WRN: variants seen among roughly 807,000 people sequenced by gnomAD.
The protein encoded by WRN is WRN RecQ like helicase.
A neutral mutation model predicts 180.7 loss-of-function variants in WRN; 149 were observed. That is an observed-to-expected ratio of 0.82 (90% CI 0.72 to 0.94). The LOEUF (loss-of-function observed/expected upper bound fraction) is 0.94. WRN is among the 40% of genes least tolerant of loss of function. The pLI, the probability that WRN is intolerant of heterozygous loss-of-function variation, is 0.00. For missense variants in WRN, 1,661 were observed against 1,700.1 expected, an observed-to-expected ratio of 0.98 and a Z score of 0.40; for synonymous variants, 548 against 568.9, an observed-to-expected ratio of 0.96 and a Z score of 0.52.
intron 12 of WRN, 52 bp downstream of exon 12, chr8:31,087,972 C>T: frequency 6.3e-7 from 1 of 1,589,354 alleles, no homozygotes. Flanking sequence ...CTACCACTGA[C>T]TTTAACTTAG....
chr8:31,045,675 T>A (rs1554516442), intron 1 of WRN, among the ~76,000 whole-genome samples: 1 of 152,160 alleles, frequency 6.6e-6, no homozygotes, highest in Non-Finnish European at 1.5e-5. Flanking sequence ...GTGCTGGGAT[T>A]ACAGGTGTGA....
At chr8:31,057,352 C>T (rs372044067) in intron 1 of WRN, among the ~76,000 whole-genome samples, 5 of 151,940 alleles carry the variant, frequency 3.3e-5, no homozygotes, top group Middle Eastern at 3.4e-3. Context: ...GATCGGATCA[C>T]GAGGTCAGGA....
At position 31,147,289 on chromosome 8, in the gene WRN, C is replaced by G; in HGVS notation, c.3460-75C>G. The G allele has an allele frequency of 2.0e-6, 3 of 1,499,546 alleles. No individual in the cohort carries two copies. In the Middle Eastern group the frequency reaches 5.2e-4, roughly 259 times the overall value. 92.9% of individuals were successfully genotyped at this position (1,499,546 alleles called of 1,614,324 possible). A position where few individuals can be genotyped will look rare whatever the true frequency, so the allele number is the denominator to read the frequency against. ...TTCATTCTAAGGAAAAATGTGGTAT[C>G]TGAAGCTCTAAAAATAAAGGACTAG... is the stretch of plus-strand genomic sequence containing the variant. On this transcript the variant is annotated intron_variant, in intron 29 of 34. Transcript: ENST00000298139.
At chr8:31,122,340 T>A (rs1801755239) in intron 21 of WRN, among the ~76,000 whole-genome samples, 1 of 152,040 alleles carries the variant, frequency 6.6e-6, no homozygotes, top group African/African-American at 2.4e-5. Flanking sequence ...TAAATGAAGT[T>A]GCTGGTTCTC....
Position 31,096,634 on chromosome 8 carries a change from A to G in WRN, c.1899-134A>G, listed in dbSNP as rs527507458. On this transcript the variant is annotated intron_variant, in intron 16 of 34. Coordinates refer to ENST00000298139, the MANE Select transcript of WRN (RefSeq NM_000553.6). Reference sequence around the variant, plus strand: ...GCATTCTTTTAGATTTTCGTGACATAAAGTATTATTTAAACTTTCATAAGG... The same window carrying G: ...GCATTCTTTTAGATTTTCGTGACATGAAGTATTATTTAAACTTTCATAAGG... 2.9e-5 allele frequency: 21 copies of G among 724,592 alleles called. No homozygotes were observed. The African/African-American group carries it at 3.0e-4, about 11-fold the overall frequency. The allele number at this position is 724,592 out of a possible 1,614,324, so 44.9% of individuals were successfully genotyped here. A position where few individuals can be genotyped will look rare whatever the true frequency, so the allele number is the denominator to read the frequency against.
chr8:31,155,622 C>CAAA (rs748568497), intron 32 of WRN, among the ~76,000 whole-genome samples: 5,254 of 98,180 alleles, frequency 0.054, 156 homozygotes, highest in Non-Finnish European at 0.061. Context: ...ACTCGGTCTC[C>CAAA]AAAAAAAAAA....
intron 6 of WRN, 146 bp downstream of exon 6, chr8:31,067,328 AT>A: frequency 2.2e-6 from 2 of 927,444 alleles, no homozygotes; most frequent in Non-Finnish European, 3.2e-6. Flanking sequence ...TTAGGAAGAC[AT>A]TTAGTGAAAC....
At chr8:31,105,752 G>A (rs749469401) in intron 18 of WRN, among the ~76,000 whole-genome samples, 12 of 152,120 alleles carry the variant, frequency 7.9e-5, no homozygotes, top group Non-Finnish European at 1.2e-4. Flanking sequence ...GAGCCACCAC[G>A]TCCAGCCTAC....
At position 31,096,822 on chromosome 8, in the gene WRN, C is replaced by T. The variant is rs11574263; in HGVS notation, c.1953C>T (p.Gly651=). 1.1e-3 allele frequency: 1,784 copies of T among 1,612,936 alleles called. 18 individuals are homozygous for T. The African/African-American group carries it at 0.021, about 19-fold the overall frequency. Residue 651 remains glycine, a synonymous_variant, in exon 17 of 35, where the codon GGC becomes GGT. Transcript: ENST00000298139. ...CAGAATACTGTTCAGGTAACATGGG[C>T]CTGCTCCAGCAACTTGAGGCTGATA... ...VTPEYCSGNM[G]LLQQLEADIG... is the part of the protein sequence containing the mutation.
rs1248278851 is a variant in WRN, at chr8:31,154,697, C to T, written c.3761C>T (p.Thr1254Ile). The change falls in exon 32 of 35, where the codon ACA becomes ATA. Residue 1254 changes from threonine to isoleucine, a missense_variant. This residue lies in a region of WRN where 1,141 missense variants were observed against 1,149.4 expected (regional missense o/e 0.99). Transcript: ENST00000298139. ...TSLVAKNKIC[T>I]LSQSMAITYS... ...CTGGTAGCAAAAAATAAAATATGCA[C>T]ACTTTCACAGTCTATGGCCATCACA... 2 of 1,613,570 alleles carry T rather than the reference C, an allele frequency of 1.2e-6. No individual in the cohort carries two copies. The highest frequency in any genetic ancestry group is 1.7e-5 in the Admixed American group (1 of 60,004).
intron 18 of WRN, among the ~76,000 whole-genome samples, chr8:31,107,964 A>G (rs1344644727): frequency 6.6e-6 from 1 of 152,260 alleles, no homozygotes; most frequent in Admixed American, 6.5e-5. Flanking sequence ...GAATGAGTGC[A>G]TGAATGAATG....
At chr8:31,123,491 A>G (rs1801804365) in intron 21 of WRN, among the ~76,000 whole-genome samples, 1 of 152,068 alleles carries the variant, frequency 6.6e-6, no homozygotes, top group Non-Finnish European at 1.5e-5. Flanking sequence ...GGATAATTAC[A>G]TGGAAGGGCA....
intron 33 of WRN, among the ~76,000 whole-genome samples, chr8:31,158,440 TAG>T (rs1455863489): frequency 2.6e-5 from 4 of 152,056 alleles, no homozygotes; most frequent in Non-Finnish European, 4.4e-5. Flanking sequence ...GGAGATACGT[TAG>T]AGGATTTTCT....
In WRN at chr8:31,150,453, C is replaced by G; in HGVS notation, c.3685C>G (p.Gln1229Glu). The G allele has an allele frequency of 6.2e-7, 1 of 1,613,904 alleles. No individual in the cohort carries two copies. Among genetic ancestry groups the G allele is most frequent in the Non-Finnish European group, 8.5e-7 (1 of 1,179,806 alleles). The change falls in exon 31 of 35, where the codon CAG becomes GAG. Residue 1229 changes from glutamine (Q) to glutamate (E), a missense_variant and splice_region_variant. This residue lies in a region of WRN where 1,141 missense variants were observed against 1,149.4 expected (regional missense o/e 0.99). Coordinates refer to ENST00000298139, the MANE Select transcript of WRN (RefSeq NM_000553.6). ...IKHFCQTNSV[Q>E]TDLFSSTKPQ... ...ACATTTCTGCCAAACAAATAGTGTT[C>G]AGGTAAAATACTGTGGTTTGCAGGA...
rs553082136 is a variant in WRN at position 31,164,976 on chromosome 8, A to G, written c.3983-2046A>G. On this transcript the variant is annotated intron_variant, in intron 33 of 34. Coordinates refer to ENST00000298139, the MANE Select transcript of WRN (RefSeq NM_000553.6). Reference sequence around the variant, plus strand: ...AGAAATATAAAGGGTACTTATAGAAATGTATTAGAAAAATATATGAATTTT... The same window carrying G: ...AGAAATATAAAGGGTACTTATAGAAGTGTATTAGAAAAATATATGAATTTT... Among the ~76,000 whole-genome samples, 232 of 152,240 alleles carry G rather than the reference A, an allele frequency of 1.5e-3. 1 individual carries two copies. Among genetic ancestry groups the G allele is most frequent in the African/African-American group, 5.3e-3 (220 of 41,570 alleles).
intron 18 of WRN, among the ~76,000 whole-genome samples, chr8:31,107,511 C>T (rs73583711): frequency 0.023 from 3,461 of 152,130 alleles, 120 homozygotes; most frequent in African/African-American, 0.077. Flanking sequence ...GGGTGTTGGC[C>T]GAGCAGTGGC....
intron 20 of WRN, among the ~76,000 whole-genome samples, chr8:31,118,495 G>A (rs1801603304): frequency 1.3e-5 from 2 of 151,880 alleles, no homozygotes; most frequent in Admixed American, 1.3e-4. Context: ...ATGTAGAATA[G>A]TCAGGTGTTC....
chr8:31,081,047 T>G lies in WRN; in HGVS notation c.1020T>G (p.Ile340Met), dbSNP rs775231592. 4.3e-6 allele frequency: 7 copies of G among 1,614,022 alleles called. No homozygotes were observed. Among genetic ancestry groups the G allele is most frequent in the Non-Finnish European group, 5.9e-6 (7 of 1,179,968 alleles). The part of the protein sequence containing the change: ...QKQIREHEVL[I>M]HVEDETWDPT... ...AAATTAGAGAACATGAAGTTTTAAT[T>G]CACGTTGAAGATGAAACATGGGACC... Residue 340 changes from isoleucine to methionine, a missense_variant, in exon 9 of 35, where the codon ATT becomes ATG. By Grantham distance (10) the Ile-to-Met change is conservative. Transcript: ENST00000298139.
intron 33 of WRN, among the ~76,000 whole-genome samples, chr8:31,157,953 C>G (rs1803455550): frequency 6.6e-6 from 1 of 152,112 alleles, no homozygotes; most frequent in Non-Finnish European, 1.5e-5. Context: ...GTCTCGAACT[C>G]CTGACCTCTG....
Sources: gnomAD v4.1 joint callset for allele counts (sites outside exome capture counted in the v4.1 genomes callset) on GRCh38, gnomAD v4.1.1 for gene constraint, gnomAD v4.1.1 regional missense constraint, MANE v1.5 for transcripts, NCBI Gene and HGNC (gene_info 2026-07-23, HGNC 2026-07-21) for gene names.